The following PHF20 variants were observed in gnomAD, a reference collection of about 807,000 sequenced individuals.
The protein encoded by PHF20 is PHD finger protein 20.
PHF20 carries 23 observed loss-of-function variants against 113.5 expected under a neutral mutation model. The observed-to-expected ratio is 0.20, with a 90% CI of 0.15 to 0.29. PHF20 has a LOEUF of 0.29. Ranked by LOEUF, PHF20 falls within the 10% of genes least tolerant of loss-of-function variation. The pLI is 1.00. For missense variants in PHF20, 943 were observed against 1,219.6 expected (o/e 0.77, Z 3.38); for synonymous variants, 434 against 457.3 (o/e 0.95, Z 0.65).
intron 2 of PHF20, among the ~76,000 whole-genome samples, chr20:35,826,403 A>C (rs1349108802): frequency 6.6e-6 from 1 of 152,166 alleles, no homozygotes; most frequent in African/African-American, 2.4e-5. Flanking sequence ...AGCCACATTT[A>C]GCTGTCTGGG....
intron 4 of PHF20, among the ~76,000 whole-genome samples, chr20:35,854,116 G>A (rs1372549814): frequency 6.6e-6 from 1 of 152,160 alleles, no homozygotes; most frequent in East Asian, 1.9e-4. Context: ...TAGATTTCAT[G>A]AGCAACAGAA....
At chr20:35,877,320 CAAA>C (rs565600863) in intron 9 of PHF20, among the ~76,000 whole-genome samples, 1 of 67,528 alleles carries the variant, frequency 1.5e-5, no homozygotes, top group African/African-American at 5.4e-5. Flanking sequence ...GACTCCATCT[CAAA>C]AAAAAAAAAA....
intron 2 of PHF20, among the ~76,000 whole-genome samples, chr20:35,814,868 G>A (rs1250245910): frequency 2.6e-5 from 3 of 116,258 alleles, no homozygotes; most frequent in Admixed American, 2.0e-4. Flanking sequence ...GCGAGACTCC[G>A]TCTCAAAAAA....
intron 4 of PHF20, among the ~76,000 whole-genome samples, chr20:35,848,858 TAAAAA>T (rs11472341): frequency 7.5e-6 from 1 of 133,432 alleles, no homozygotes; most frequent in Non-Finnish European, 1.6e-5. Flanking sequence ...CTCTGTCTCT[TAAAAA>T]AAAAAAAAAA....
intron 10 of PHF20, among the ~76,000 whole-genome samples, chr20:35,904,258 C>T (rs978293040): frequency 6.7e-6 from 1 of 149,256 alleles, no homozygotes; most frequent in East Asian, 2.0e-4. Flanking sequence ...AAAGTACCCC[C>T]TTTATGCTGA....
Position 35,870,995 on chromosome 20 carries a change from A to C in PHF20, c.963A>C (p.Lys321Asn). 6.2e-7 allele frequency: 1 copy of C among 1,608,874 alleles called. No individual in the cohort carries two copies. Among genetic ancestry groups the C allele is most frequent in the South Asian group, 1.1e-5 (1 of 89,802 alleles). Reference protein sequence around the residue: ...KSKNYSENTDKDLSRRRSSRL... With the variant: ...KSKNYSENTDNDLSRRRSSRL... ...AAAACTACTCGGAAAACACTGACAA[A>C]GACTTATCGAGGAGACGTTCCTCCA... The change falls in exon 8 of 18, where the codon AAA (lysine) becomes AAC (asparagine). Residue 321 changes from lysine to asparagine, a missense_variant. Physicochemically the swap from Lys to Asn is moderately conservative, Grantham distance 94. This residue lies in a region of PHF20 where 592 missense variants were observed against 787.2 expected (regional missense o/e 0.75). Coordinates refer to ENST00000374012, the MANE Select transcript of PHF20 (RefSeq NM_016436.5).
chr20:35,919,443 G>C (rs1044440705), intron 13 of PHF20, among the ~76,000 whole-genome samples: 9 of 150,942 alleles, frequency 6.0e-5, no homozygotes. Context: ...GGGTTCAAGC[G>C]ATTCTCCTGC....
chr20:35,837,626 G>A (rs920961901), intron 2 of PHF20, among the ~76,000 whole-genome samples: 1 of 152,240 alleles, frequency 6.6e-6, no homozygotes, highest in Non-Finnish European at 1.5e-5. Context: ...TTGATTATCA[G>A]CAATTAAATG....
chr20:35,854,682 C>G (rs1801636222), intron 4 of PHF20, among the ~76,000 whole-genome samples: 1 of 152,028 alleles, frequency 6.6e-6, no homozygotes, highest in Admixed American at 6.6e-5. Context: ...GACGGTCATC[C>G]CTTAGCACCT....
At chr20:35,899,267 T>C in intron 9 of PHF20, 103 bp from the exon 10 acceptor site, 1 of 935,276 alleles carries the variant, frequency 1.1e-6, no homozygotes, top group East Asian at 2.6e-5. Flanking sequence ...CAGGCTACAT[T>C]TGCACGCTAG....
rs776268666 is a variant in PHF20 at position 35,941,012 on chromosome 20, C to T, written c.2861C>T (p.Thr954Met). ...THVESLQDEV[T>M]HRMDSIEKEL... Reference sequence around the variant, plus strand: ...GTGGAATCTCTTCAGGATGAAGTTACGCACAGGATGGACTCCATTGAGAAG... The same window carrying T: ...GTGGAATCTCTTCAGGATGAAGTTATGCACAGGATGGACTCCATTGAGAAG... The change falls in exon 17 of 18, where the codon ACG (threonine) becomes ATG (methionine). Residue 954 changes from threonine (T) to methionine (M), a missense_variant. Physicochemically the swap from Thr to Met is moderately conservative, Grantham distance 81 (BLOSUM62 -1). Coordinates refer to ENST00000374012, the MANE Select transcript of PHF20 (RefSeq NM_016436.5). 44 of 1,613,950 alleles carry T rather than the reference C, an allele frequency of 2.7e-5. No individual in the cohort carries two copies. Among genetic ancestry groups the T allele is most frequent in the South Asian group, 3.3e-5 (3 of 91,078 alleles).
chr20:35,807,884 A>G (rs936383501), intron 2 of PHF20, among the ~76,000 whole-genome samples: 1 of 152,154 alleles, frequency 6.6e-6, no homozygotes, highest in Non-Finnish European at 1.5e-5. Context: ...GTTTTTTAAG[A>G]GTTCTTATTT....
chr20:35,783,135 G>C (rs2041335112), intron 1 of PHF20, among the ~76,000 whole-genome samples: 1 of 152,184 alleles, frequency 6.6e-6, no homozygotes, highest in Non-Finnish European at 1.5e-5. Flanking sequence ...AGGAGTTCAA[G>C]GCTGCAGTGA....
At position 35,871,945 on chromosome 20, in the gene PHF20, C is replaced by T. The variant is rs540165621; in HGVS notation, c.1282+116C>T. On this transcript the variant is annotated intron_variant, in intron 9 of 17. Transcript: ENST00000374012. Reference sequence around the variant, plus strand: ...TTGTTTTTCACCTTTTATTAATATTCCCTTATCATTTTAATGTTATGCTCC... The same window carrying T: ...TTGTTTTTCACCTTTTATTAATATTTCCTTATCATTTTAATGTTATGCTCC... 59 of 680,392 alleles carry T rather than the reference C, an allele frequency of 8.7e-5. No homozygotes were observed. The South Asian group carries it at 1.4e-3, about 16-fold the overall frequency. The allele number at this position is 680,392 out of a possible 1,614,324, so 42.1% of individuals were successfully genotyped here.
At chr20:35,874,084 G>C (rs954029054) in intron 9 of PHF20, among the ~76,000 whole-genome samples, 34 of 152,218 alleles carry the variant, frequency 2.2e-4, no homozygotes, top group Non-Finnish European at 2.9e-4. Context: ...TGATTCTCCT[G>C]CCTCAGCCTC....
chr20:35,908,975 A>G (rs753362391), intron 10 of PHF20, among the ~76,000 whole-genome samples: 1 of 152,184 alleles, frequency 6.6e-6, no homozygotes, highest in Non-Finnish European at 1.5e-5. Context: ...ATCTGCAAAC[A>G]AAGATAGTGT....
chr20:35,883,500 G>A (rs1372901104), intron 9 of PHF20, among the ~76,000 whole-genome samples: 8 of 152,278 alleles, frequency 5.3e-5, no homozygotes, highest in Middle Eastern at 3.4e-3. Flanking sequence ...ATGCAGTGGC[G>A]CTGTCACGGC....
chr20:35,785,787 G>A (rs978063232), intron 1 of PHF20, among the ~76,000 whole-genome samples: 3 of 151,866 alleles, frequency 2.0e-5, no homozygotes, highest in Non-Finnish European at 2.9e-5. Flanking sequence ...AATAGGCCGG[G>A]TGTGGTGGCT....
intron 1 of PHF20, among the ~76,000 whole-genome samples, chr20:35,781,125 C>T (rs1354839500): frequency 6.6e-6 from 1 of 151,770 alleles, no homozygotes; most frequent in Non-Finnish European, 1.5e-5. Context: ...GCTGGGATTA[C>T]AGGCGTGAGC....
Sources: gnomAD v4.1 joint callset for allele counts (sites outside exome capture counted in the v4.1 genomes callset) on GRCh38, gnomAD v4.1.1 for gene constraint, gnomAD v4.1.1 regional missense constraint, MANE v1.5 for transcripts, NCBI Gene and HGNC (gene_info 2026-07-23, HGNC 2026-07-21) for gene names.